The following PSD3 variants were observed in gnomAD, a reference collection of about 807,000 sequenced individuals.
PSD3 encodes pleckstrin and Sec7 domain containing 3.
In PSD3, 49 loss-of-function variants were observed where a neutral mutation model predicts 105.5. The ratio of observed to expected loss-of-function variants is 0.46; its 90% confidence interval spans 0.37 to 0.59. The LOEUF (loss-of-function observed/expected upper bound fraction) is 0.59, where lower values mean the gene tolerates loss of function less well. PSD3 is among the 20% of genes least tolerant of loss of function. The pLI, the probability that PSD3 is intolerant of heterozygous loss-of-function variation, is 0.00. For synonymous variants in PSD3, 557 were observed against 457.8 expected (o/e 1.22, Z -2.77); for missense variants, 1,561 against 1,263.8 (o/e 1.24, Z -3.57).
chr8:18,731,253 T>G (rs1477474896), intron 9 of PSD3, among the ~76,000 whole-genome samples: 1 of 152,124 alleles, frequency 6.6e-6, no homozygotes, highest in African/African-American at 2.4e-5. Context: ...TGAAACTCTG[T>G]CTCAAAAACA....
chr8:18,557,554 A>T (rs1441663801), intron 14 of PSD3: 2 of 154,188 alleles, frequency 1.3e-5, no homozygotes, highest in African/African-American at 2.4e-5. Context: ...GAAAACAATG[A>T]CAAGTAAAAA....
intron 1 of PSD3, among the ~76,000 whole-genome samples, chr8:19,010,249 T>C (rs115617320): frequency 0.023 from 3,512 of 152,154 alleles, 155 homozygotes; most frequent in African/African-American, 0.081. Flanking sequence ...ACCACCGGTG[T>C]CACCAAGAGA....
At chr8:19,035,749 A>G (rs1827919759) in intron 1 of PSD3, among the ~76,000 whole-genome samples, 1 of 147,378 alleles carries the variant, frequency 6.8e-6, no homozygotes, top group African/African-American at 2.5e-5. Flanking sequence ...AAACAGGTAT[A>G]CTTTTTTTGG....
chr8:18,847,725 G>C (rs1815211758), intron 4 of PSD3, among the ~76,000 whole-genome samples: 1 of 152,166 alleles, frequency 6.6e-6, no homozygotes, highest in South Asian at 2.1e-4. Flanking sequence ...GCTGGGGCCA[G>C]AGCCAAAGTC....
chr8:18,917,474 C>A (rs1392837890), intron 2 of PSD3, among the ~76,000 whole-genome samples: 2 of 152,196 alleles, frequency 1.3e-5, no homozygotes, highest in Admixed American at 6.5e-5. Context: ...CCTCACTCAA[C>A]ATTGCAGATT....
chr8:18,848,778 G>A (rs1230075180), intron 4 of PSD3, among the ~76,000 whole-genome samples: 1 of 152,204 alleles, frequency 6.6e-6, no homozygotes, highest in Non-Finnish European at 1.5e-5. Context: ...ACTCACCCTA[G>A]GTTGGGGCGG....
rs73666725 is a variant in PSD3, at chr8:18,814,245, C to T, written c.1635-9347G>A. Among the ~76,000 whole-genome samples, 1,430 of 152,232 alleles carry T rather than the reference C, an allele frequency of 9.4e-3. 26 individuals carry two copies. Among genetic ancestry groups the T allele is most frequent in the African/African-American group, 0.031 (1,289 of 41,536 alleles). ...GTAAGCATCACATACAGATTCTGCC[C>T]CCAGCCCCACCCGCCGCATACCTTC... is the stretch of plus-strand genomic sequence containing the variant. On this transcript the variant is annotated intron_variant, in intron 4 of 15. Transcript: ENST00000327040.
intron 1 of PSD3, among the ~76,000 whole-genome samples, chr8:19,074,171 T>A (rs943335647): frequency 2.0e-5 from 3 of 152,254 alleles, no homozygotes; most frequent in Middle Eastern, 3.4e-3. Flanking sequence ...CAAAGCAACC[T>A]CAGCTCCCCA....
intron 2 of PSD3, among the ~76,000 whole-genome samples, chr8:18,922,701 C>T (rs1400672260): frequency 3.9e-5 from 6 of 152,132 alleles, no homozygotes; most frequent in East Asian, 1.9e-4. Flanking sequence ...GTTTCACCTG[C>T]GCTTCTGACT....
intron 1 of PSD3, among the ~76,000 whole-genome samples, chr8:19,065,669 A>C (rs1455515819): frequency 6.6e-6 from 1 of 152,182 alleles, no homozygotes; most frequent in African/African-American, 2.4e-5. Flanking sequence ...AGGGGCATGG[A>C]TCTCCCATCC....
chr8:18,850,750 AG>A (rs1385991157), intron 4 of PSD3, among the ~76,000 whole-genome samples: 2 of 152,250 alleles, frequency 1.3e-5, no homozygotes, highest in East Asian at 3.9e-4. Flanking sequence ...GGGCAAACTG[AG>A]GGGTCATGAG....
intron 2 of PSD3, among the ~76,000 whole-genome samples, chr8:18,894,389 T>A (rs1819006980): frequency 6.6e-6 from 1 of 152,192 alleles, no homozygotes; most frequent in African/African-American, 2.4e-5. Context: ...TCCATAGCTC[T>A]ATGATGATAA....
Position 18,872,279 on chromosome 8 carries a change from T to C in PSD3, c.585A>G (p.Pro195=), listed in dbSNP as rs539979883. The part of the protein sequence containing the change: ...KTLPAGQKNL[P]EIPLSAEVTT... ...TTACTTCAGCTGAAAGAGGTATTTC[T>C]GGTAAATTTTTTTGGCCAGCAGGGA... The change falls in exon 3 of 16, where the codon CCA becomes CCG. Residue 195 remains proline, a synonymous_variant. Transcript: ENST00000327040. 1.8e-5 allele frequency: 29 copies of C among 1,614,232 alleles called. No homozygotes were observed. In the East Asian group the frequency reaches 5.6e-4, roughly 31 times the overall value.
intron 1 of PSD3, among the ~76,000 whole-genome samples, chr8:18,983,400 T>C (rs1586575596): frequency 6.6e-6 from 1 of 152,210 alleles, no homozygotes; most frequent in Non-Finnish European, 1.5e-5. Flanking sequence ...TTCTTTTATA[T>C]CCACAACTTG....
intron 1 of PSD3, among the ~76,000 whole-genome samples, chr8:18,971,869 G>A (rs1454907429): frequency 6.6e-6 from 1 of 152,106 alleles, no homozygotes; most frequent in Non-Finnish European, 1.5e-5. Flanking sequence ...GCTGGGCATG[G>A]TGGCGGGTGC....
intron 4 of PSD3, among the ~76,000 whole-genome samples, chr8:18,822,405 C>T (rs933802761): frequency 5.3e-5 from 8 of 152,198 alleles, no homozygotes; most frequent in African/African-American, 1.9e-4. Flanking sequence ...AGTCCATCCC[C>T]GGGAGTGTGT....
chr8:18,620,360 T>TTTTTTTTC (rs1554524298), intron 11 of PSD3, among the ~76,000 whole-genome samples: 1 of 149,890 alleles, frequency 6.7e-6, no homozygotes, highest in African/African-American at 2.5e-5. Context: ...TTTTTTTTTT[T>TTTTTTTTC]CCCCAGGCTG....
At position 18,532,474 on chromosome 8, in the gene PSD3, C is replaced by G. The variant is rs1799672920; in HGVS notation, c.*3269G>C. On this transcript the variant is annotated 3_prime_UTR_variant, in exon 16 of 16. Coordinates refer to ENST00000327040, the MANE Select transcript of PSD3 (RefSeq NM_015310.4). Reference sequence around the variant, plus strand: ...GGGTCTTGTGTTTGCCACAAGACCACTGCACCAAAAAATGCTTTCTATCCT... The same window carrying G: ...GGGTCTTGTGTTTGCCACAAGACCAGTGCACCAAAAAATGCTTTCTATCCT... The G allele has an allele frequency of 6.6e-6, 1 of 152,124 alleles. No individual in the cohort carries two copies. The highest frequency in any genetic ancestry group is 2.4e-5 in the African/African-American group (1 of 41,422). 9.4% of individuals were successfully genotyped at this position (152,124 alleles called of 1,614,324 possible).
chr8:18,894,267 G>C (rs1216795963), intron 2 of PSD3, among the ~76,000 whole-genome samples: 1 of 152,152 alleles, frequency 6.6e-6, no homozygotes, highest in Non-Finnish European at 1.5e-5. Flanking sequence ...ATCACTGTAG[G>C]CAAACAAGAT....
Sources: allele counts gnomAD v4.1 joint callset (sites outside exome capture counted in the v4.1 genomes callset), GRCh38; gene constraint gnomAD v4.1.1; transcripts MANE v1.5; gene names NCBI Gene and HGNC (gene_info 2026-07-23, HGNC 2026-07-21).